The following POLQ variants were observed in gnomAD, a reference collection of about 807,000 sequenced individuals.
The protein encoded by POLQ is DNA polymerase theta, also known as epididymis secretory sperm binding protein.
A neutral mutation model predicts 259.2 loss-of-function variants in POLQ; 233 were observed. That is an observed-to-expected ratio of 0.90 (90% CI 0.81 to 1.00). The LOEUF is 1.00. Among genes scored for constraint, POLQ ranks in the 50% least tolerant of loss-of-function variants. The pLI, the probability that POLQ is intolerant of heterozygous loss-of-function variation, is 0.00. For missense variants in POLQ, 2,871 were observed against 3,051.6 expected (o/e 0.94, Z 1.39); for synonymous variants, 1,025 against 1,048.8 (o/e 0.98, Z 0.44).
At position 121,539,536 on chromosome 3, in the gene POLQ, A is replaced by G. The variant is rs1198584973; in HGVS notation, c.528T>C (p.Ser176=). Reference sequence around the variant, plus strand: ...CCAATGAAGAGAAATGCCTTGATGGAGAGGTGCTGCCCATATAACCGTCTA... The same window carrying G: ...CCAATGAAGAGAAATGCCTTGATGGGGAGGTGCTGCCCATATAACCGTCTA... ...IKVDGYMGST[S]PSRHFSSLDI... Residue 176 remains serine (S), a synonymous_variant, in exon 4 of 30, where the codon TCT becomes TCC. Transcript: ENST00000264233. The G allele has an allele frequency of 1.2e-6, 2 of 1,612,420 alleles. No homozygotes were observed. The highest frequency in any genetic ancestry group is 1.7e-6 in the Non-Finnish European group (2 of 1,178,430).
At chr3:121,493,327 G>A (rs2048086626) in intron 15 of POLQ, 151 bp downstream of exon 15, 3 of 580,726 alleles carry the variant, frequency 5.2e-6, no homozygotes, top group Non-Finnish European at 8.5e-6. Flanking sequence ...AATCTGCAAT[G>A]GGGAAAAAGT....
intron 9 of POLQ, among the ~76,000 whole-genome samples, chr3:121,513,454 T>A (rs1386830780): frequency 2.0e-5 from 3 of 149,930 alleles, no homozygotes; most frequent in Non-Finnish European, 4.5e-5. Context: ...ATACAAAAAT[T>A]AGCTGGGCAT....
At chr3:121,478,291 G>A (rs1478450502) in intron 19 of POLQ, among the ~76,000 whole-genome samples, 1 of 152,006 alleles carries the variant, frequency 6.6e-6, no homozygotes. Context: ...AAGTCCTGCA[G>A]GGATCCTTGA....
chr3:121,461,200 C>T (rs967999893), intron 24 of POLQ, among the ~76,000 whole-genome samples: 3 of 152,192 alleles, frequency 2.0e-5, no homozygotes, highest in African/African-American at 4.8e-5. Context: ...GGAATCTCCT[C>T]CCCATTCGCT....
intron 12 of POLQ, among the ~76,000 whole-genome samples, chr3:121,508,547 G>A (rs2048228120): frequency 6.6e-6 from 1 of 152,158 alleles, no homozygotes; most frequent in Admixed American, 6.5e-5. Context: ...CACAATCTCA[G>A]CCACTGTATA....
At chr3:121,437,990 G>A (rs1468365912) in intron 27 of POLQ, among the ~76,000 whole-genome samples, 1 of 152,152 alleles carries the variant, frequency 6.6e-6, no homozygotes, top group African/African-American at 2.4e-5. Flanking sequence ...GGCGATGGGT[G>A]GTGATTAGGA....
chr3:121,459,665 G>A (rs1374331147), intron 25 of POLQ, among the ~76,000 whole-genome samples: 1 of 152,166 alleles, frequency 6.6e-6, no homozygotes, highest in African/African-American at 2.4e-5. Flanking sequence ...ACAGGCGTGA[G>A]CCACCGCGCC....
At chr3:121,539,222 C>T (rs2048471718) in intron 4 of POLQ, among the ~76,000 whole-genome samples, 1 of 151,992 alleles carries the variant, frequency 6.6e-6, no homozygotes, top group African/African-American at 2.4e-5. Context: ...TTGTAAAGTA[C>T]AAAAATGCAA....
At position 121,489,035 on chromosome 3, in the gene POLQ, G is replaced by T. The variant is rs201804248; in HGVS notation, c.3896C>A (p.Thr1299Lys). Residue 1299 changes from threonine (T) to lysine (K), a missense_variant, in exon 16 of 30, where the codon ACA becomes AAA. By Grantham distance (78) the Thr-to-Lys change is moderately conservative. Transcript: ENST00000264233. ...ATGATTATTTTTAGTTTTGTTTGTT[G>T]TATAAGTACCTGTTTTTTCTTGTAG... ...SRLQEKTGTY[T>K]TNKTKNNHVS... is the part of the protein sequence containing the mutation. The T allele has an allele frequency of 9.3e-6, 15 of 1,613,098 alleles. No individual in the cohort carries two copies. The East Asian group carries it at 3.3e-4, about 36-fold the overall frequency.
At chr3:121,499,428 A>T (rs2048149445) in intron 12 of POLQ, among the ~76,000 whole-genome samples, 1 of 151,960 alleles carries the variant, frequency 6.6e-6, no homozygotes, top group African/African-American at 2.4e-5. Flanking sequence ...TAATTTTTAA[A>T]TTTTTTTGGT....
chr3:121,463,774 T>A (rs1169033683), intron 24 of POLQ, among the ~76,000 whole-genome samples: 6 of 152,202 alleles, frequency 3.9e-5, no homozygotes, highest in Admixed American at 6.5e-5. Flanking sequence ...TTCTTTTTTT[T>A]AGATTTTTAA....
At chr3:121,518,671 C>A (rs1214507392) in intron 9 of POLQ, among the ~76,000 whole-genome samples, 2 of 152,118 alleles carry the variant, frequency 1.3e-5, no homozygotes, top group Non-Finnish European at 2.9e-5. Context: ...GCTTCCTCTG[C>A]CCAGAATATC....
rs191328311 is a variant in POLQ, at chr3:121,540,607, T to C, written c.474+742A>G. Among the ~76,000 whole-genome samples the C allele has an allele frequency of 7.2e-4, 109 of 152,314 alleles. 1 individual carries two copies. The Middle Eastern group carries it at 0.01, about 14-fold the overall frequency. On this transcript the variant is annotated intron_variant, in intron 3 of 29. Transcript: ENST00000264233. ...ACCTGGAGCTTTACCTAAGCACCAA[T>C]GGATCTTGACCTTCATCCCCTAAAT...
chr3:121,456,277 C>T (rs527519), intron 25 of POLQ, among the ~76,000 whole-genome samples: 119,957 of 151,890 alleles, frequency 0.79, 47,507 homozygotes, highest in East Asian at 0.89. Flanking sequence ...GCCAATATCA[C>T]ACTGAACGGG....
intron 29 of POLQ, 95 bp downstream of exon 29, chr3:121,432,823 G>T: frequency 1.3e-6 from 1 of 763,826 alleles, no homozygotes; most frequent in Non-Finnish European, 2.3e-6. Flanking sequence ...CTAGGGTAGA[G>T]TTCCAAAATC....
intron 26 of POLQ, among the ~76,000 whole-genome samples, chr3:121,448,593 T>C (rs934747924): frequency 1.3e-5 from 2 of 151,884 alleles, no homozygotes; most frequent in African/African-American, 4.8e-5. Flanking sequence ...TCTCGATCTC[T>C]TGACCTCGTG....
chr3:121,432,476 A>T (rs1473637054), intron 29 of POLQ, 59 bp from the exon 30 acceptor site: 18 of 1,560,156 alleles, frequency 1.2e-5, no homozygotes, highest in Non-Finnish European at 1.5e-5. Context: ...TTCCCAAACC[A>T]TCCCCTGAGA....
chr3:121,487,396 C>G lies in POLQ; in HGVS notation c.5535G>C (p.Arg1845=). 1 of 1,613,444 alleles carries G rather than the reference C, an allele frequency of 6.2e-7. No homozygotes were observed. ...NLFQTFIKEW[R]CKKRFSISLA... ...GTGAGATGGAAAATCGCTTTTTGCA[C>G]CGCCACTCCTTAATGAATGTTTGGA... Residue 1845 remains arginine, a synonymous_variant, in exon 16 of 30, where the codon CGG becomes CGC. Coordinates refer to ENST00000264233, the MANE Select transcript of POLQ (RefSeq NM_199420.4).
chr3:121,481,456 T>C, intron 19 of POLQ, 116 bp downstream of exon 19: 3 of 968,284 alleles, frequency 3.1e-6, no homozygotes, highest in East Asian at 2.5e-5. Context: ...AAAAAAGCAC[T>C]AGACAATCCA....
Sources: gnomAD v4.1 joint callset for allele counts (sites outside exome capture counted in the v4.1 genomes callset) on GRCh38, gnomAD v4.1.1 for gene constraint, MANE v1.5 for transcripts, NCBI Gene and HGNC (gene_info 2026-07-23, HGNC 2026-07-21) for gene names.